The following ZNF578 variants were observed in gnomAD, a reference collection of about 807,000 sequenced individuals.
ZNF578 encodes zinc finger protein 578, also known as Putative chemokine-related protein B42.
A neutral mutation model predicts 8.3 loss-of-function variants in ZNF578; 8 were observed. That is an observed-to-expected ratio of 0.96 (90% CI 0.56 to 1.74). The LOEUF is 1.74. Among genes scored for constraint, ZNF578 ranks in the 40% most tolerant of loss-of-function variants. The pLI, the probability that ZNF578 is intolerant of heterozygous loss-of-function variation, is 0.00. For synonymous variants in ZNF578, 206 were observed against 232.2 expected (o/e 0.89, Z 1.03); for missense variants, 726 against 707.5 (o/e 1.03, Z -0.30).
chr19:52,456,348 T>C (rs2059239641), intron 1 of ZNF578: 1 of 152,262 alleles, frequency 6.6e-6, no homozygotes, highest in Admixed American at 6.5e-5. Context: ...ATTAGAATGC[T>C]GAGACATTTT....
chr19:52,458,371 G>A (rs926832754), intron 2 of ZNF578: 2 of 148,696 alleles, frequency 1.3e-5, no homozygotes, highest in African/African-American at 5.0e-5. Context: ...ATCTCTCAAG[G>A]TTCCCCTGTT....
chr19:52,511,803 G>A lies in ZNF578; in HGVS notation c.1422G>A (p.Lys474=). Reference sequence around the variant, plus strand: ...AGAAATCAAACCTTGAGAGACACAAGATAATTCATACTGGAGAGAAACCTT... The same window carrying A: ...AGAAATCAAACCTTGAGAGACACAAAATAATTCATACTGGAGAGAAACCTT... The part of the protein sequence containing the change: ...FSQKSNLERH[K]IIHTGEKPYK... Residue 474 remains lysine, a synonymous_variant, in exon 6 of 6, where the codon AAG becomes AAA. Transcript: ENST00000421239. 1 of 1,613,078 alleles carries A rather than the reference G, an allele frequency of 6.2e-7. No individual in the cohort carries two copies. The highest frequency in any genetic ancestry group is 1.1e-5 in the South Asian group (1 of 91,034).
chr19:52,515,150 A>G lies in ZNF578; in HGVS notation c.*2996A>G, dbSNP rs182907496. On this transcript the variant is annotated 3_prime_UTR_variant, in exon 6 of 6. Transcript: ENST00000421239. ...GGCTCATTTTTTGCATTTTTAGTAG[A>G]GACAGGGTTTCATCATGTTGGCAGG... Among the ~76,000 whole-genome samples the G allele has an allele frequency of 1.1e-3, 167 of 151,842 alleles. 1 individual carries two copies. Among genetic ancestry groups the G allele is most frequent in the Admixed American group, 3.6e-3 (55 of 15,246 alleles).
At chr19:52,472,633 C>G (rs1236282174) in intron 2 of ZNF578, among the ~76,000 whole-genome samples, 1 of 152,148 alleles carries the variant, frequency 6.6e-6, no homozygotes, top group Non-Finnish European at 1.5e-5. Context: ...TTCCTAAGGC[C>G]ATGGCATGCT....
At chr19:52,502,194 G>A (rs976677706) in intron 4 of ZNF578, among the ~76,000 whole-genome samples, 1 of 152,156 alleles carries the variant, frequency 6.6e-6, no homozygotes, top group Non-Finnish European at 1.5e-5. Context: ...TGGGGTGTGG[G>A]CCCGTTGATG....
At chr19:52,488,051 T>C (rs2059351900) in intron 2 of ZNF578, among the ~76,000 whole-genome samples, 1 of 151,574 alleles carries the variant, frequency 6.6e-6, no homozygotes, top group Non-Finnish European at 1.5e-5. Context: ...GCTTGTCGGC[T>C]TCAAGCAATT....
chr19:52,506,462 CT>C (rs35676968), intron 5 of ZNF578, among the ~76,000 whole-genome samples: 202 of 109,148 alleles, frequency 1.9e-3, no homozygotes, highest in East Asian at 3.1e-3. Flanking sequence ...AGTACAGTTT[CT>C]TTTTTTTTTT....
chr19:52,513,778 C>T lies in ZNF578; in HGVS notation c.*1624C>T, dbSNP rs2059460929. Among the ~76,000 whole-genome samples the T allele has an allele frequency of 6.6e-6, 1 of 151,014 alleles. No homozygotes were observed. The highest frequency in any genetic ancestry group is 2.1e-4 in the South Asian group (1 of 4,778). ...AAACCCGGGGTGTCTCATCCCACAG[C>T]ACTTTGGAAGACTGAAGTGAGTGGA... On this transcript the variant is annotated 3_prime_UTR_variant, in exon 6 of 6. Coordinates refer to ENST00000421239, the MANE Select transcript of ZNF578 (RefSeq NM_001099694.2).
intron 2 of ZNF578, among the ~76,000 whole-genome samples, chr19:52,488,741 G>A (rs1163481207): frequency 3.3e-5 from 5 of 151,124 alleles, no homozygotes; most frequent in Admixed American, 6.6e-5. Flanking sequence ...CCGAGATTGC[G>A]TCACTGCACA....
Position 52,511,838 on chromosome 19 carries a change from A to G in ZNF578, c.1457A>G (p.Asn486Ser). Residue 486 changes from asparagine to serine, a missense_variant, in exon 6 of 6, where the codon AAT becomes AGT. Coordinates refer to ENST00000421239, the MANE Select transcript of ZNF578 (RefSeq NM_001099694.2). Reference sequence around the variant, plus strand: ...ACTGGAGAGAAACCTTACAAGTGTAATGAGTGTCACAAGACCTTCAGTCAC... The same window carrying G: ...ACTGGAGAGAAACCTTACAAGTGTAGTGAGTGTCACAAGACCTTCAGTCAC... ...IHTGEKPYKCNECHKTFSHRS... is the reference protein window; with the variant it reads ...IHTGEKPYKCSECHKTFSHRS... 6.2e-7 allele frequency: 1 copy of G among 1,613,968 alleles called. No individual in the cohort carries two copies. Among genetic ancestry groups the G allele is most frequent in the East Asian group, 2.2e-5 (1 of 44,842 alleles).
intron 2 of ZNF578, among the ~76,000 whole-genome samples, chr19:52,470,477 G>C (rs917820180): frequency 1.3e-5 from 2 of 152,166 alleles, no homozygotes; most frequent in Non-Finnish European, 2.9e-5. Context: ...TTGTCAGTTT[G>C]ATTGGATTGA....
intron 3 of ZNF578, among the ~76,000 whole-genome samples, chr19:52,498,254 T>G (rs1358737158): frequency 6.6e-6 from 1 of 151,772 alleles, no homozygotes; most frequent in Non-Finnish European, 1.5e-5. Flanking sequence ...CCTCTCGGGT[T>G]CAAGCAATTC....
intron 2 of ZNF578, among the ~76,000 whole-genome samples, chr19:52,490,504 A>C (rs2059361624): frequency 6.6e-6 from 1 of 152,190 alleles, no homozygotes; most frequent in Non-Finnish European, 1.5e-5. Context: ...ATTAATATTT[A>C]AGATTTCACA....
chr19:52,468,374 C>G (rs1312346205), intron 2 of ZNF578, among the ~76,000 whole-genome samples: 3 of 152,160 alleles, frequency 2.0e-5, no homozygotes, highest in Non-Finnish European at 4.4e-5. Context: ...CAGTATTTCA[C>G]AAGCATTTTC....
Position 52,511,871 on chromosome 19 carries a change from C to G in ZNF578, c.1490C>G (p.Ser497Cys), listed in dbSNP as rs762994304. Reference protein sequence around the residue: ...ECHKTFSHRSSLPCHRRLHSG... With the variant: ...ECHKTFSHRSCLPCHRRLHSG... ...CACAAGACCTTCAGTCACAGGTCAT[C>G]TCTTCCATGCCATCGTAGACTTCAT... is the stretch of plus-strand genomic sequence containing the variant. The change falls in exon 6 of 6, where the codon TCT (serine) becomes TGT (cysteine). Residue 497 changes from serine to cysteine, a missense_variant. Physicochemically the swap from Ser to Cys is moderately radical, Grantham distance 112. Transcript: ENST00000421239. The G allele has an allele frequency of 3.7e-6, 6 of 1,613,204 alleles. No individual in the cohort carries two copies. Among genetic ancestry groups the G allele is most frequent in the Middle Eastern group, 1.6e-4 (1 of 6,076 alleles).
intron 5 of ZNF578, among the ~76,000 whole-genome samples, chr19:52,509,320 TTGTGGC>T (rs1482490217): frequency 5.3e-5 from 8 of 152,324 alleles, no homozygotes; most frequent in Non-Finnish European, 8.8e-5. Context: ...TAAGTAGATG[TTGTGGC>T]TTTTTTCTTA....
chr19:52,482,681 C>T (rs2059330987), intron 2 of ZNF578, among the ~76,000 whole-genome samples: 1 of 152,016 alleles, frequency 6.6e-6, no homozygotes. Flanking sequence ...GGCGTAGTGG[C>T]TCATGCCTGT....
chr19:52,507,967 T>G (rs925309871), intron 5 of ZNF578, among the ~76,000 whole-genome samples: 1 of 152,054 alleles, frequency 6.6e-6, no homozygotes, highest in Non-Finnish European at 1.5e-5. Context: ...GAGACTCACT[T>G]GAATCTGGGA....
At chr19:52,501,731 T>C in intron 3 of ZNF578, 96 bp from the exon 4 acceptor site, 1 of 1,319,364 alleles carries the variant, frequency 7.6e-7, no homozygotes, top group East Asian at 2.4e-5. Flanking sequence ...GGGGGGCTTC[T>C]TTGTACAGGG....
Sources: allele counts gnomAD v4.1 joint callset (sites outside exome capture counted in the v4.1 genomes callset), GRCh38; gene constraint gnomAD v4.1.1; transcripts MANE v1.5; gene names NCBI Gene and HGNC (gene_info 2026-07-23, HGNC 2026-07-21).